The following SGCZ variants were observed in gnomAD, a reference collection of about 807,000 sequenced individuals.
The protein encoded by SGCZ is zeta-sarcoglycan.
SGCZ carries 40 observed loss-of-function variants against 41.3 expected under a neutral mutation model. That is an observed-to-expected ratio of 0.97 (90% CI 0.75 to 1.26). The LOEUF (loss-of-function observed/expected upper bound fraction) is 1.26. Ranked by LOEUF, SGCZ falls within the 50% of genes most tolerant of loss-of-function variation. The pLI is 0.00. For missense variants in SGCZ, 552 were observed against 369.8 expected (o/e 1.49, Z -4.04); for synonymous variants, 206 against 137.5 (o/e 1.50, Z -3.49).
At chr8:14,301,006 G>T (rs930021484) in intron 3 of SGCZ, among the ~76,000 whole-genome samples, 1 of 151,854 alleles carries the variant, frequency 6.6e-6, no homozygotes, top group African/African-American at 2.4e-5. Context: ...GTATATATGA[G>T]TAAGATTCGA....
At chr8:14,795,510 A>T (rs1000768365) in intron 1 of SGCZ, among the ~76,000 whole-genome samples, 4 of 152,004 alleles carry the variant, frequency 2.6e-5, no homozygotes, top group Non-Finnish European at 4.4e-5. Context: ...TGGTGAAGTC[A>T]TACCTTACTG....
At chr8:14,822,005 G>C (rs1351216094) in intron 1 of SGCZ, among the ~76,000 whole-genome samples, 1 of 151,090 alleles carries the variant, frequency 6.6e-6, no homozygotes, top group Non-Finnish European at 1.5e-5. Context: ...CATCCAAATT[G>C]AAAACAAAGA....
At chr8:14,913,518 T>C (rs1435190738) in intron 1 of SGCZ, among the ~76,000 whole-genome samples, 1 of 152,096 alleles carries the variant, frequency 6.6e-6, no homozygotes. Flanking sequence ...ACTTTTATTA[T>C]GTAGGCCTAA....
chr8:14,404,033 G>C (rs1799146951), intron 2 of SGCZ, among the ~76,000 whole-genome samples: 1 of 151,964 alleles, frequency 6.6e-6, no homozygotes, highest in Non-Finnish European at 1.5e-5. Flanking sequence ...TGGAGGAGGG[G>C]GGCCAACAAA....
At chr8:14,796,893 C>G (rs1801151345) in intron 1 of SGCZ, among the ~76,000 whole-genome samples, 1 of 152,166 alleles carries the variant, frequency 6.6e-6, no homozygotes, top group Admixed American at 6.5e-5. Context: ...AGGGGATTCC[C>G]CCTTCACTCA....
chr8:15,199,636 C>A (rs762803966), intron 1 of SGCZ, among the ~76,000 whole-genome samples: 18 of 152,088 alleles, frequency 1.2e-4, no homozygotes, highest in Non-Finnish European at 1.3e-4. Flanking sequence ...CCAGCTGATA[C>A]CCCTCTACAG....
At chr8:14,248,589 G>A (rs1253728527) in intron 3 of SGCZ, among the ~76,000 whole-genome samples, 7 of 151,930 alleles carry the variant, frequency 4.6e-5, no homozygotes, top group Non-Finnish European at 8.8e-5. Flanking sequence ...ATTTAAATAA[G>A]AAATTAATCT....
At chr8:14,863,041 G>T (rs1803807885) in intron 1 of SGCZ, among the ~76,000 whole-genome samples, 1 of 152,140 alleles carries the variant, frequency 6.6e-6, no homozygotes, top group Non-Finnish European at 1.5e-5. Context: ...TTACTGGGAT[G>T]ATTGAGAAGC....
chr8:14,712,677 G>C (rs1809560122), intron 1 of SGCZ, among the ~76,000 whole-genome samples: 1 of 152,120 alleles, frequency 6.6e-6, no homozygotes, highest in Admixed American at 6.5e-5. Flanking sequence ...CTTTGAGACA[G>C]TGCACGGCCA....
intron 2 of SGCZ, among the ~76,000 whole-genome samples, chr8:14,525,193 TAGACAGAC>T (rs199587564): frequency 1.3e-5 from 1 of 74,630 alleles, no homozygotes; most frequent in Non-Finnish European, 3.9e-5. Flanking sequence ...GATAGATAGA[TAGACAGAC>T]AGACAGACAG....
chr8:14,559,163 C>T (rs963256109), intron 1 of SGCZ, among the ~76,000 whole-genome samples: 26 of 151,958 alleles, frequency 1.7e-4, no homozygotes, highest in African/African-American at 6.3e-4. Flanking sequence ...TAAAGGGCAT[C>T]CAAATTGGTA....
chr8:14,310,444 T>TA (rs1801496705), intron 3 of SGCZ, among the ~76,000 whole-genome samples: 1 of 152,168 alleles, frequency 6.6e-6, no homozygotes. Flanking sequence ...TTGTGGTTTA[T>TA]AAAAAATGTA....
intron 4 of SGCZ, among the ~76,000 whole-genome samples, chr8:14,188,044 T>C (rs1289406418): frequency 6.6e-6 from 1 of 151,966 alleles, no homozygotes; most frequent in African/African-American, 2.4e-5. Context: ...ATATTCAAAG[T>C]GTTCAGATTT....
chr8:14,563,084 T>C (rs541681548), intron 1 of SGCZ, among the ~76,000 whole-genome samples: 2 of 152,220 alleles, frequency 1.3e-5, no homozygotes, highest in Non-Finnish European at 2.9e-5. Context: ...ATAGCTGTGC[T>C]ATGGCTGAAG....
intron 7 of SGCZ, among the ~76,000 whole-genome samples, chr8:14,097,216 T>C (rs944268558): frequency 6.6e-6 from 1 of 152,202 alleles, no homozygotes; most frequent in Non-Finnish European, 1.5e-5. Context: ...TTTCCTGCTT[T>C]CTCTTGTGGG....
chr8:14,953,382 C>A (rs1398450217), intron 1 of SGCZ, among the ~76,000 whole-genome samples: 1 of 152,090 alleles, frequency 6.6e-6, no homozygotes. Context: ...AAATCTGCCC[C>A]CATGATTCAA....
At chr8:14,105,198 C>A (rs1217949438) in intron 6 of SGCZ, among the ~76,000 whole-genome samples, 2 of 151,930 alleles carry the variant, frequency 1.3e-5, no homozygotes, top group African/African-American at 2.4e-5. Flanking sequence ...AGAAAATCCA[C>A]AGTTTTAAAA....
In SGCZ at chr8:14,486,849, A is replaced by T. The variant is rs554792695; in HGVS notation, c.234+67883T>A. ...GAATGATTACGTTTTAAAGTTAATTATTAAGGTGCAAATCATGTAAAGCCA... is the reference window on the plus strand; with the variant it reads ...GAATGATTACGTTTTAAAGTTAATTTTTAAGGTGCAAATCATGTAAAGCCA... On this transcript the variant is annotated intron_variant, in intron 2 of 7. Coordinates refer to ENST00000382080, the MANE Select transcript of SGCZ (RefSeq NM_139167.4). Among the ~76,000 whole-genome samples the T allele has an allele frequency of 1.8e-3, 268 of 152,364 alleles. 1 individual carries two copies. Among genetic ancestry groups the T allele is most frequent in the Middle Eastern group, 3.4e-3 (1 of 294 alleles).
At position 14,674,928 on chromosome 8, in the gene SGCZ, G is replaced by GTTTTTT. The variant is rs201881681; in HGVS notation, c.40-120008_40-120003dup. ...GCCAATTTAACCTCTTTTCTTTTCT[G>GTTTTTT]TTTTTTTTTTTTTTTTTTTTTTTTT... On this transcript the variant is annotated intron_variant, in intron 1 of 7. Transcript: ENST00000382080. 7.6e-4 allele frequency among the ~76,000 whole-genome samples: 54 copies of GTTTTTT among 71,012 alleles called. 3 individuals carry two copies. The highest frequency in any genetic ancestry group is 5.8e-3 in the East Asian group (12 of 2,058). The allele number at this position is 71,012 out of a possible 152,430, so 46.6% of individuals were successfully genotyped here.
Sources: gnomAD v4.1 joint callset for allele counts (sites outside exome capture counted in the v4.1 genomes callset) on GRCh38, gnomAD v4.1.1 for gene constraint, MANE v1.5 for transcripts, NCBI Gene and HGNC (gene_info 2026-07-23, HGNC 2026-07-21) for gene names.